Variants in FAM171A1 observed in about 807,000 individuals in gnomAD.
FAM171A1 encodes the protein protein FAM171A1.
FAM171A1 carries 23 observed loss-of-function variants against 74.9 expected under a neutral mutation model. The observed-to-expected ratio is 0.31, with a 90% CI of 0.22 to 0.44. The LOEUF is 0.44. Among genes scored for constraint, FAM171A1 ranks in the 20% least tolerant of loss-of-function variants. The pLI, the probability that FAM171A1 is intolerant of heterozygous loss-of-function variation, is 1.00. For missense variants in FAM171A1, 1,162 were observed against 1,159.2 expected, an observed-to-expected ratio of 1.00 and a Z score of -0.03; for synonymous variants, 527 against 505.7, an observed-to-expected ratio of 1.04 and a Z score of -0.57.
chr10:15,297,762 T>G (rs1183332308), intron 1 of FAM171A1, among the ~76,000 whole-genome samples: 1 of 152,206 alleles, frequency 6.6e-6, no homozygotes, highest in East Asian at 1.9e-4. Context: ...TCCCACAGCT[T>G]TGTGGCTAAG....
intron 3 of FAM171A1, among the ~76,000 whole-genome samples, chr10:15,258,129 C>T (rs1016454950): frequency 2.0e-5 from 3 of 152,066 alleles, no homozygotes; most frequent in African/African-American, 2.4e-5. Context: ...GGCGTGATCT[C>T]GGCTTACTGC....
intron 1 of FAM171A1, among the ~76,000 whole-genome samples, chr10:15,300,410 G>T (rs1012694753): frequency 1.3e-5 from 2 of 152,074 alleles, no homozygotes; most frequent in East Asian, 3.9e-4. Context: ...AGAAAATATG[G>T]ATACCAACTT....
chr10:15,246,585 G>T (rs1369493129), intron 5 of FAM171A1, among the ~76,000 whole-genome samples: 2 of 152,148 alleles, frequency 1.3e-5, no homozygotes, highest in Non-Finnish European at 2.9e-5. Flanking sequence ...GCAGTGATGC[G>T]ATCTTGGCTC....
At chr10:15,309,743 C>T (rs1835338363) in intron 1 of FAM171A1, among the ~76,000 whole-genome samples, 1 of 152,226 alleles carries the variant, frequency 6.6e-6, no homozygotes, top group African/African-American at 2.4e-5. Context: ...AGACTTTCCT[C>T]AGGACTTGCA....
intron 3 of FAM171A1, among the ~76,000 whole-genome samples, chr10:15,266,194 G>T (rs1315506627): frequency 6.6e-6 from 1 of 152,152 alleles, no homozygotes; most frequent in Admixed American, 6.5e-5. Flanking sequence ...TGCATCTCAG[G>T]ACCATTCAGC....
intron 1 of FAM171A1, among the ~76,000 whole-genome samples, chr10:15,293,103 G>A (rs1835121910): frequency 1.3e-5 from 2 of 152,102 alleles, no homozygotes; most frequent in African/African-American, 4.8e-5. Flanking sequence ...CTTTGAGACA[G>A]TTATTTTGTG....
intron 3 of FAM171A1, among the ~76,000 whole-genome samples, chr10:15,272,119 G>A (rs902010144): frequency 8.5e-5 from 13 of 152,160 alleles, no homozygotes; most frequent in African/African-American, 2.9e-4. Flanking sequence ...AGACCCATCA[G>A]TGTGCTGTAT....
intron 4 of FAM171A1, among the ~76,000 whole-genome samples, chr10:15,253,364 G>GT (rs1834534498): frequency 6.6e-6 from 1 of 152,126 alleles, no homozygotes; most frequent in African/African-American, 2.4e-5. Flanking sequence ...CACATTTCAA[G>GT]TAATAGTCAA....
chr10:15,301,113 A>G (rs1835222858), intron 1 of FAM171A1, among the ~76,000 whole-genome samples: 1 of 152,132 alleles, frequency 6.6e-6, no homozygotes, highest in Non-Finnish European at 1.5e-5. Flanking sequence ...TCTCTTAAGT[A>G]CTTCTGCACA....
intron 1 of FAM171A1, among the ~76,000 whole-genome samples, chr10:15,300,485 C>T (rs1419483137): frequency 6.6e-6 from 1 of 152,016 alleles, no homozygotes; most frequent in Non-Finnish European, 1.5e-5. Context: ...CTGCTAGCAA[C>T]AAAAGTATTC....
intron 3 of FAM171A1, among the ~76,000 whole-genome samples, chr10:15,274,646 T>C (rs1174214730): frequency 3.3e-5 from 5 of 152,070 alleles, no homozygotes; most frequent in South Asian, 4.2e-4. Context: ...TACTACAAGG[T>C]TACAGTAACC....
At chr10:15,235,862 C>T (rs1186225860) in intron 5 of FAM171A1, among the ~76,000 whole-genome samples, 1 of 152,134 alleles carries the variant, frequency 6.6e-6, no homozygotes, top group Non-Finnish European at 1.5e-5. Context: ...CTGGGGAAAC[C>T]TTGGATACCT....
At chr10:15,232,457 G>A (rs534240703) in intron 5 of FAM171A1, among the ~76,000 whole-genome samples, 3 of 152,054 alleles carry the variant, frequency 2.0e-5, no homozygotes, top group Non-Finnish European at 4.4e-5. Context: ...TTGTTTTATC[G>A]CAAGAGCCTA....
intron 1 of FAM171A1, among the ~76,000 whole-genome samples, chr10:15,331,069 T>C (rs1011213503): frequency 6.6e-6 from 1 of 152,088 alleles, no homozygotes; most frequent in Admixed American, 6.6e-5. Context: ...TTTGTATTTT[T>C]GGTAGAAACA....
Position 15,252,729 on chromosome 10 carries a change from T to A in FAM171A1, c.577+1992A>T, listed in dbSNP as rs574110145. ...TCCATTCTTTCCGTGGAAGAGAAATTTCATGTCACATTGCAAAGACCTCTC... is the reference window on the plus strand; with the variant it reads ...TCCATTCTTTCCGTGGAAGAGAAATATCATGTCACATTGCAAAGACCTCTC... On this transcript the variant is annotated intron_variant, in intron 4 of 7. Transcript: ENST00000378116. Among the ~76,000 whole-genome samples the A allele has an allele frequency of 3.9e-5, 6 of 152,296 alleles. No individual in the cohort carries two copies. In the South Asian group the frequency reaches 1.2e-3, roughly 32 times the overall value.
intron 1 of FAM171A1, among the ~76,000 whole-genome samples, chr10:15,370,543 C>A (rs925103124): frequency 6.6e-6 from 1 of 152,014 alleles, no homozygotes; most frequent in Admixed American, 6.5e-5. Context: ...CCGAGCCCGG[C>A]GTGGGGAGCC....
chr10:15,225,504 A>C (rs1229339968), intron 5 of FAM171A1, among the ~76,000 whole-genome samples: 1 of 152,188 alleles, frequency 6.6e-6, no homozygotes, highest in Non-Finnish European at 1.5e-5. Flanking sequence ...AGCTCCAGGG[A>C]GTATGGGAAT....
At chr10:15,342,596 A>C (rs1835777193) in intron 1 of FAM171A1, among the ~76,000 whole-genome samples, 1 of 152,168 alleles carries the variant, frequency 6.6e-6, no homozygotes, top group Non-Finnish European at 1.5e-5. Context: ...AAAAAAACAC[A>C]TAACGGGTGT....
chr10:15,265,246 T>G (rs931423654), intron 3 of FAM171A1, among the ~76,000 whole-genome samples: 4 of 151,838 alleles, frequency 2.6e-5, no homozygotes, highest in African/African-American at 9.7e-5. Flanking sequence ...AGTACTCGTG[T>G]GTGTGCGTGT....
Sources: allele counts gnomAD v4.1 joint callset (sites outside exome capture counted in the v4.1 genomes callset), GRCh38; gene constraint gnomAD v4.1.1; transcripts MANE v1.5; gene names NCBI Gene and HGNC (gene_info 2026-07-23, HGNC 2026-07-21).